MTMR9: variants seen among roughly 807,000 people sequenced by gnomAD.
MTMR9 encodes the protein myotubularin related protein 9.
MTMR9 carries 39 observed loss-of-function variants against 69.5 expected under a neutral mutation model. The observed-to-expected ratio is 0.56, with a 90% CI of 0.43 to 0.73. The LOEUF (loss-of-function observed/expected upper bound fraction) is 0.73, where lower values mean the gene tolerates loss of function less well. MTMR9 is among the 30% of genes least tolerant of loss of function. The probability of loss-of-function intolerance (pLI) is 0.00; values close to 1 mark genes in which losing one functional copy is unlikely to be tolerated. For missense variants in MTMR9, 900 were observed against 671.2 expected (o/e 1.34, Z -3.77); for synonymous variants, 354 against 240.8 (o/e 1.47, Z -4.35).
chr8:11,288,076 A>G (rs1185930299), intron 1 of MTMR9, among the ~76,000 whole-genome samples: 14 of 130,528 alleles, frequency 1.1e-4, no homozygotes, highest in African/African-American at 4.0e-4. Context: ...ATTATATTTC[A>G]CCTATATAAT....
the MTMR9 span, among the ~76,000 whole-genome samples, chr8:11,334,958 TA>T: frequency 6.6e-6 from 1 of 152,160 alleles, no homozygotes; most frequent in Non-Finnish European, 1.5e-5. Context: ...AAGAACATCT[TA>T]AAAAAATTCT....
chr8:11,313,534 A>T (rs1800289946), intron 6 of MTMR9, among the ~76,000 whole-genome samples: 2 of 152,160 alleles, frequency 1.3e-5, no homozygotes, highest in African/African-American at 2.4e-5. Flanking sequence ...AATCATTTCT[A>T]GCTTTTGATC....
intron 3 of MTMR9, among the ~76,000 whole-genome samples, chr8:11,303,362 A>G (rs1464848127): frequency 6.6e-6 from 1 of 151,788 alleles, no homozygotes; most frequent in Non-Finnish European, 1.5e-5. Context: ...AAAGTTCAAG[A>G]AATAACAGTA....
rs1438828461 is a variant in MTMR9, at chr8:11,298,730, C to T, written c.292-1293C>T. ...TCCTTTCCCCGCTGCACCCCCCCCC[C>T]GCCATCCAGTATAGAAATACTTTTT... On this transcript the variant is annotated intron_variant, in intron 2 of 9. Coordinates refer to ENST00000221086, the MANE Select transcript of MTMR9 (RefSeq NM_015458.4). 1.7e-5 allele frequency: 16 copies of T among 926,792 alleles called. No homozygotes were observed. In the African/African-American group the frequency reaches 2.2e-4, roughly 13 times the overall value. The allele number at this position is 926,792 out of a possible 1,614,324, so 57.4% of individuals were successfully genotyped here.
At chr8:11,296,419 A>T (rs190827250) in intron 2 of MTMR9, among the ~76,000 whole-genome samples, 5 of 152,296 alleles carry the variant, frequency 3.3e-5, no homozygotes, top group Admixed American at 2.6e-4. Flanking sequence ...GAAAACACTT[A>T]ACCGTTTTTA....
intron 6 of MTMR9, among the ~76,000 whole-genome samples, chr8:11,312,335 C>A (rs890290854): frequency 1.3e-5 from 2 of 152,050 alleles, no homozygotes. Context: ...CAGGTCTGAC[C>A]CACTGCACCC....
At chr8:11,290,813 T>C (rs1311611722) in intron 1 of MTMR9, among the ~76,000 whole-genome samples, 1 of 151,804 alleles carries the variant, frequency 6.6e-6, no homozygotes, top group African/African-American at 2.4e-5. Flanking sequence ...TTTCCTTCTG[T>C]GGCTTTGTGA....
At chr8:11,334,985 A>G in the MTMR9 span, among the ~76,000 whole-genome samples, 20 of 152,220 alleles carry the variant, frequency 1.3e-4, no homozygotes, top group Non-Finnish European at 1.5e-4. Flanking sequence ...TAACATACTT[A>G]ATGTTGAGAA....
At chr8:11,298,097 A>G (rs760923566) in intron 2 of MTMR9, 1 of 354,734 alleles carries the variant, frequency 2.8e-6, no homozygotes, top group Non-Finnish European at 5.6e-6. Context: ...AATTGTAGCA[A>G]TAAGTTAGTG....
In MTMR9 at chr8:11,304,929, A is replaced by C. The variant is rs1361536738; in HGVS notation, c.506A>C (p.Asp169Ala). ...ATTGTCACAGTGCCCAAATCCATCG[A>C]TGATGAAGCTCTTCGGAAGGTAGCT... ...PPIVTVPKSIDDEALRKVATF... is the reference protein window; with the variant it reads ...PPIVTVPKSIADEALRKVATF... Residue 169 changes from aspartate (D) to alanine (A), a missense_variant, in exon 4 of 10, where the codon GAT becomes GCT. Transcript: ENST00000221086. 2 of 1,613,996 alleles carry C rather than the reference A, an allele frequency of 1.2e-6. No individual in the cohort carries two copies. The highest frequency in any genetic ancestry group is 1.7e-6 in the Non-Finnish European group (2 of 1,179,988).
downstream of MTMR9, among the ~76,000 whole-genome samples, chr8:11,329,122 C>T (rs1304267652): frequency 2.6e-5 from 4 of 152,096 alleles, no homozygotes; most frequent in African/African-American, 9.7e-5. Context: ...CTATTGTGTT[C>T]CATTGGTGTA....
chr8:11,303,581 T>G (rs887808413), intron 3 of MTMR9, among the ~76,000 whole-genome samples: 1 of 152,164 alleles, frequency 6.6e-6, no homozygotes, highest in Non-Finnish European at 1.5e-5. Context: ...TTGCCCAGGC[T>G]GGAGTGCAGT....
At chr8:11,332,127 A>T, downstream of MTMR9, 3 of 1,611,898 alleles carry the variant, frequency 1.9e-6, no homozygotes, top group Non-Finnish European at 2.5e-6. Context: ...GGAGTGAGAT[A>T]GAACTTGGGA....
chr8:11,337,953 C>T, the MTMR9 span, among the ~76,000 whole-genome samples: 1 of 152,240 alleles, frequency 6.6e-6, no homozygotes, highest in Non-Finnish European at 1.5e-5. Context: ...CAAATCTCAA[C>T]ATGGTTCCTG....
intron 9 of MTMR9, chr8:11,321,731 G>T (rs1800700963): frequency 3.5e-6 from 1 of 285,626 alleles, no homozygotes; most frequent in South Asian, 3.5e-5. Context: ...TTAATATTTA[G>T]AAATTCCTGA....
rs1294726623 is a variant in MTMR9, at chr8:11,322,868, T to A, written c.*80T>A. 4.5e-6 allele frequency: 6 copies of A among 1,348,014 alleles called. No homozygotes were observed. The highest frequency in any genetic ancestry group is 5.1e-6 in the Non-Finnish European group (5 of 977,640). The allele number at this position is 1,348,014 out of a possible 1,614,324, so 83.5% of individuals were successfully genotyped here. Reference sequence around the variant, plus strand: ...CTCCTTGTGCCCTTCAGTTCACTTTTACACGGTAGCCTTGAAGTGAAGGCT... The same window carrying A: ...CTCCTTGTGCCCTTCAGTTCACTTTAACACGGTAGCCTTGAAGTGAAGGCT... On this transcript the variant is annotated 3_prime_UTR_variant, in exon 10 of 10. Transcript: ENST00000221086.
At chr8:11,303,789 C>G (rs1047825834) in intron 3 of MTMR9, among the ~76,000 whole-genome samples, 3 of 152,092 alleles carry the variant, frequency 2.0e-5, no homozygotes, top group Non-Finnish European at 4.4e-5. Context: ...CTGCCTTGGC[C>G]TCCCAAAGTG....
In MTMR9 at chr8:11,285,140, C is replaced by T; in HGVS notation, c.182+70C>T. The T allele has an allele frequency of 4.2e-6, 6 of 1,421,872 alleles. No homozygotes were observed. The East Asian group carries it at 1.5e-4, about 37-fold the overall frequency. The allele number at this position is 1,421,872 out of a possible 1,614,324, so 88.1% of individuals were successfully genotyped here. ...CTTGTGGGCGCCCCGGGAAATACTT[C>T]CTGGCGTTTTCCGCGCAGCCTGCCG... On this transcript the variant is annotated intron_variant, in intron 1 of 9. Coordinates refer to ENST00000221086, the MANE Select transcript of MTMR9 (RefSeq NM_015458.4).
rs768454175 is a variant in MTMR9 at position 11,309,586 on chromosome 8, A to G, written c.869A>G (p.His290Arg). ...GTGGAAGCTTGTAATGACCAAACACATAACATGGACCGATGGCTCAGTAAA... is the reference window on the plus strand; with the variant it reads ...GTGGAAGCTTGTAATGACCAAACACGTAACATGGACCGATGGCTCAGTAAA... ...KLVEACNDQT[H>R]NMDRWLSKLE... is the part of the protein sequence containing the mutation. Residue 290 changes from histidine to arginine, a missense_variant, in exon 6 of 10, where the codon CAT becomes CGT. By Grantham distance (29) the His-to-Arg change is conservative. Coordinates refer to ENST00000221086, the MANE Select transcript of MTMR9 (RefSeq NM_015458.4). 3.4e-5 allele frequency: 55 copies of G among 1,613,852 alleles called. No individual in the cohort carries two copies. Among genetic ancestry groups the G allele is most frequent in the Non-Finnish European group, 4.2e-5 (49 of 1,179,870 alleles).
Sources: gnomAD v4.1 joint callset for allele counts (sites outside exome capture counted in the v4.1 genomes callset) on GRCh38, gnomAD v4.1.1 for gene constraint, MANE v1.5 for transcripts, NCBI Gene and HGNC (gene_info 2026-07-23, HGNC 2026-07-21) for gene names.